Variants in LGMN observed in about 807,000 individuals in gnomAD.
LGMN encodes the protein asparaginyl endopeptidase.
LGMN carries 36 observed loss-of-function variants against 56.8 expected under a neutral mutation model. That is an observed-to-expected ratio of 0.63 (90% CI 0.49 to 0.84). The LOEUF (loss-of-function observed/expected upper bound fraction) is 0.84, where lower values mean the gene tolerates loss of function less well. LGMN is among the 40% of genes least tolerant of loss of function. The pLI, the probability that LGMN is intolerant of heterozygous loss-of-function variation, is 0.00. For missense variants in LGMN, 446 were observed against 556.1 expected (o/e 0.80, Z 1.99); for synonymous variants, 199 against 210.1 (o/e 0.95, Z 0.46).
At chr14:92,746,055 T>C (rs1891806834) in intron 1 of LGMN, among the ~76,000 whole-genome samples, 1 of 152,288 alleles carries the variant, frequency 6.6e-6, no homozygotes, top group East Asian at 1.9e-4. Flanking sequence ...TCTCCTGACG[T>C]CATGATCCGC....
chr14:92,717,483 T>A, intron 3 of LGMN, 22 bp from the exon 4 acceptor site: 1 of 1,556,796 alleles, frequency 6.4e-7, no homozygotes, highest in South Asian at 1.1e-5. Flanking sequence ...AGGACACAAT[T>A]TAAACGAGAT....
intron 1 of LGMN, among the ~76,000 whole-genome samples, chr14:92,738,357 C>T (rs1460830621): frequency 6.6e-6 from 1 of 151,634 alleles, no homozygotes; most frequent in African/African-American, 2.4e-5. Flanking sequence ...CGGCTCACTG[C>T]AAGCTCTGCC....
intron 1 of LGMN, among the ~76,000 whole-genome samples, chr14:92,736,420 A>AC (rs1297726129): frequency 6.6e-6 from 1 of 151,758 alleles, no homozygotes; most frequent in Non-Finnish European, 1.5e-5. Context: ...ACAAGGTGAA[A>AC]CCCTGTCTCT....
At chr14:92,710,265 C>A (rs1446788707) in intron 10 of LGMN, among the ~76,000 whole-genome samples, 1 of 152,228 alleles carries the variant, frequency 6.6e-6, no homozygotes, top group African/African-American at 2.4e-5. Context: ...GCAAAGGATG[C>A]CAGGCAAAGA....
chr14:92,740,141 G>A (rs778801546), intron 1 of LGMN, among the ~76,000 whole-genome samples: 13 of 152,190 alleles, frequency 8.5e-5, no homozygotes, highest in Non-Finnish European at 1.9e-4. Context: ...CCAGCTACTC[G>A]GGAGGCTGAA....
chr14:92,714,016 C>T lies in LGMN; in HGVS notation c.481-131G>A, dbSNP rs1889935542. The stretch of plus-strand genomic sequence containing the variant: ...CCCTAGAAGTAATCATGGTGAAGAA[C>T]ATAACCCCAGAATGTCGTCACATGT... On this transcript the variant is annotated intron_variant, in intron 6 of 13. Transcript: ENST00000334869. The surrounding 1 kb of genome is among the most constrained non-coding windows in gnomAD (Gnocchi z 5.1). 5 of 754,738 alleles carry T rather than the reference C, an allele frequency of 6.6e-6. 1 individual carries two copies. The highest frequency in any genetic ancestry group is 1.7e-5 in the African/African-American group (1 of 57,410). The allele number at this position is 754,738 out of a possible 1,614,324, so 46.8% of individuals were successfully genotyped here.
At chr14:92,732,369 C>T (rs911028800) in intron 2 of LGMN, 9 of 354,848 alleles carry the variant, frequency 2.5e-5, no homozygotes, top group African/African-American at 1.5e-4. Flanking sequence ...ATCAACAGTG[C>T]CAAGGTTCAG....
chr14:92,704,160 C>G lies in LGMN; in HGVS notation c.*159G>C. On this transcript the variant is annotated 3_prime_UTR_variant, in exon 14 of 14. Coordinates refer to ENST00000334869, the MANE Select transcript of LGMN (RefSeq NM_005606.7). ...GACTGGGGAAGCAGGTAACAGCGAG[C>G]AAGTCATCTTGTGAAGAAGGTCCTG... is the stretch of plus-strand genomic sequence containing the variant. 1.2e-6 allele frequency: 1 copy of G among 849,874 alleles called. No homozygotes were observed. Among genetic ancestry groups the G allele is most frequent in the Non-Finnish European group, 2.0e-6 (1 of 499,254 alleles). 52.6% of individuals were successfully genotyped at this position (849,874 alleles called of 1,614,324 possible).
chr14:92,733,340 A>G (rs1337288048), intron 1 of LGMN, among the ~76,000 whole-genome samples: 2 of 152,156 alleles, frequency 1.3e-5, no homozygotes, highest in Non-Finnish European at 2.9e-5. Context: ...AATCTTCACT[A>G]CAAGTCCAAG....
chr14:92,715,214 G>GGGGTGT (rs1555397589), intron 5 of LGMN, among the ~76,000 whole-genome samples: 380 of 149,032 alleles, frequency 2.5e-3, no homozygotes, highest in Middle Eastern at 6.9e-3. Context: ...GGTCAGGGTG[G>GGGGTGT]GTGTGTGTGT....
intron 1 of LGMN, among the ~76,000 whole-genome samples, chr14:92,736,075 G>C (rs749773631): frequency 2.6e-5 from 4 of 152,208 alleles, no homozygotes; most frequent in African/African-American, 4.8e-5. Flanking sequence ...TATTCAGCAA[G>C]TGAAACAGTG....
intron 11 of LGMN, among the ~76,000 whole-genome samples, chr14:92,708,424 C>A (rs912497517): frequency 2.6e-5 from 4 of 151,918 alleles, no homozygotes; most frequent in Non-Finnish European, 4.4e-5. Context: ...ATAGTGACAC[C>A]CCAGCTCTAC....
intron 2 of LGMN, among the ~76,000 whole-genome samples, chr14:92,719,251 A>ACCGCCACCGCCG (rs1566924128): frequency 2.4e-4 from 12 of 50,256 alleles, no homozygotes; most frequent in African/African-American, 1.3e-3. Context: ...CACCGCCACC[A>ACCGCCACCGCCG]CCACCACCGC....
chr14:92,739,414 C>T (rs1891449325), intron 1 of LGMN, among the ~76,000 whole-genome samples: 1 of 152,154 alleles, frequency 6.6e-6, no homozygotes, highest in South Asian at 2.1e-4. Context: ...TCATCTACCT[C>T]CTCTCCTTTA....
chr14:92,722,615 T>C (rs1479992318), intron 2 of LGMN, among the ~76,000 whole-genome samples: 5 of 151,958 alleles, frequency 3.3e-5, no homozygotes, highest in Non-Finnish European at 7.4e-5. Context: ...CTTTGATAAA[T>C]TGGCTTAGCA....
At chr14:92,731,073 G>C (rs897459162) in intron 2 of LGMN, among the ~76,000 whole-genome samples, 5 of 152,154 alleles carry the variant, frequency 3.3e-5, no homozygotes, top group African/African-American at 4.8e-5. Context: ...CCCACCACTT[G>C]TGAGCTGTAC....
In LGMN at chr14:92,704,150, T is replaced by A. The variant is rs1174469452; in HGVS notation, c.*169A>T. The A allele has an allele frequency of 2.5e-6, 2 of 794,376 alleles. No homozygotes were observed. Among genetic ancestry groups the A allele is most frequent in the Non-Finnish European group, 4.4e-6 (2 of 455,236 alleles). 49.2% of individuals were successfully genotyped at this position (794,376 alleles called of 1,614,324 possible). A position where few individuals can be genotyped will look rare whatever the true frequency, so the allele number is the denominator to read the frequency against. On this transcript the variant is annotated 3_prime_UTR_variant, in exon 14 of 14. Transcript: ENST00000334869. ...TTTCAGAAAAGACTGGGGAAGCAGG[T>A]AACAGCGAGCAAGTCATCTTGTGAA...
chr14:92,736,613 A>G (rs79132724), intron 1 of LGMN, among the ~76,000 whole-genome samples: 38,243 of 152,032 alleles, frequency 0.25, 4,936 homozygotes, highest in African/African-American at 0.26. Flanking sequence ...TAAATAAAAT[A>G]AAGTGAACTT....
At chr14:92,718,349 G>A (rs1226578273) in intron 3 of LGMN, among the ~76,000 whole-genome samples, 9 of 152,094 alleles carry the variant, frequency 5.9e-5, no homozygotes, top group African/African-American at 1.9e-4. Context: ...CAAGGCAGCC[G>A]GATCACTTGA....
Sources: gnomAD v4.1 joint callset for allele counts (sites outside exome capture counted in the v4.1 genomes callset) on GRCh38, gnomAD v4.1.1 for gene constraint, Gnocchi (gnomAD v3.1) non-coding constraint, MANE v1.5 for transcripts, NCBI Gene and HGNC (gene_info 2026-07-23, HGNC 2026-07-21) for gene names.